HIVEP3: variants seen among roughly 807,000 people sequenced by gnomAD.
HIVEP3 encodes the protein transcription factor HIVEP3.
Under a neutral mutation model 152.8 loss-of-function variants are expected in HIVEP3, and 49 were observed. That is an observed-to-expected ratio of 0.32 (90% confidence interval 0.26 to 0.41). The LOEUF is 0.41. HIVEP3 is among the 10% of genes least tolerant of loss of function. HIVEP3 has a pLI of 1.00. For missense variants in HIVEP3, 2,790 were observed against 3,103.3 expected, an observed-to-expected ratio of 0.90 and a Z score of 2.40; for synonymous variants, 1,269 against 1,289.0, an observed-to-expected ratio of 0.98 and a Z score of 0.33.
intron 5 of HIVEP3, among the ~76,000 whole-genome samples, chr1:41,545,653 C>CCA (rs1569853933): frequency 8.3e-6 from 1 of 120,396 alleles, no homozygotes; most frequent in East Asian, 7.3e-4. Context: ...ATCACCACCA[C>CCA]TACCACCCCT....
chr1:41,907,763 G>A lies in HIVEP3; in HGVS notation c.-801+10650C>T, dbSNP rs147151462. 1.1e-3 allele frequency among the ~76,000 whole-genome samples: 173 copies of A among 152,268 alleles called. 1 individual carries two copies. Among genetic ancestry groups the A allele is most frequent in the African/African-American group, 3.8e-3 (156 of 41,570 alleles). ...GTAAACCACATCAGAGTTATCAGTC[G>A]GAAACCTCTTGGACAAAGAGAGTTT... is the stretch of plus-strand genomic sequence containing the variant. On this transcript the variant is annotated intron_variant, in intron 1 of 8. Transcript: ENST00000372583.
intron 1 of HIVEP3, among the ~76,000 whole-genome samples, chr1:42,020,906 C>T (rs1418984665): frequency 3.9e-5 from 6 of 152,056 alleles, no homozygotes; most frequent in Non-Finnish European, 8.8e-5. Flanking sequence ...AGTGTAAAGG[C>T]CCTAAGGTAG....
At chr1:41,915,936 G>T (rs1326232155) in intron 1 of HIVEP3, among the ~76,000 whole-genome samples, 2 of 152,190 alleles carry the variant, frequency 1.3e-5, no homozygotes, top group African/African-American at 4.8e-5. Context: ...AAACAGGATG[G>T]AGAACAGCAT....
chr1:41,527,387 C>T (rs1268208471), intron 5 of HIVEP3, among the ~76,000 whole-genome samples: 1 of 131,716 alleles, frequency 7.6e-6, no homozygotes, highest in Non-Finnish European at 1.7e-5. Flanking sequence ...CACACTCGCA[C>T]TCACACTCCA....
At chr1:41,726,687 A>G (rs964126316) in intron 1 of HIVEP3, among the ~76,000 whole-genome samples, 1 of 152,208 alleles carries the variant, frequency 6.6e-6, no homozygotes, top group Admixed American at 6.5e-5. Flanking sequence ...CAATACTGAG[A>G]CATCTAGAAC....
intron 1 of HIVEP3, among the ~76,000 whole-genome samples, chr1:41,968,506 C>T (rs1224626864): frequency 6.6e-6 from 1 of 152,168 alleles, no homozygotes; most frequent in African/African-American, 2.4e-5. Context: ...TAAAATTCAA[C>T]ATCCCTTCAC....
At chr1:41,571,113 CT>C (rs1430936533) in intron 5 of HIVEP3, among the ~76,000 whole-genome samples, 1 of 152,084 alleles carries the variant, frequency 6.6e-6, no homozygotes, top group Non-Finnish European at 1.5e-5. Flanking sequence ...CACGCAGGGT[CT>C]GGCATGGACT....
chr1:41,603,938 A>G (rs1050441070), intron 3 of HIVEP3, among the ~76,000 whole-genome samples: 2 of 152,236 alleles, frequency 1.3e-5, no homozygotes, highest in African/African-American at 4.8e-5. Flanking sequence ...AGCATATAAA[A>G]CAATGCTCAA....
At chr1:41,622,492 G>A (rs750169050) in intron 3 of HIVEP3, among the ~76,000 whole-genome samples, 1 of 152,226 alleles carries the variant, frequency 6.6e-6, no homozygotes, top group Non-Finnish European at 1.5e-5. Context: ...GGCAAATCCA[G>A]CCGGCTGCCT....
chr1:41,913,520 C>T (rs1644827395), intron 1 of HIVEP3, among the ~76,000 whole-genome samples: 1 of 152,178 alleles, frequency 6.6e-6, no homozygotes, highest in South Asian at 2.1e-4. Context: ...CCTCTGTCTC[C>T]TGAGTAGTTA....
chr1:41,883,298 T>C (rs1644292079), intron 1 of HIVEP3, among the ~76,000 whole-genome samples: 3 of 152,098 alleles, frequency 2.0e-5, no homozygotes, highest in Admixed American at 1.3e-4. Context: ...AAAGTGTGCC[T>C]TGCAGTGAGA....
chr1:41,702,851 A>G (rs1197111820), intron 1 of HIVEP3, among the ~76,000 whole-genome samples: 1 of 152,172 alleles, frequency 6.6e-6, no homozygotes, highest in Non-Finnish European at 1.5e-5. Flanking sequence ...CCTTGTCAGG[A>G]CCCTGAAAAA....
chr1:41,965,091 C>T (rs1645190361), intron 1 of HIVEP3, among the ~76,000 whole-genome samples: 1 of 152,196 alleles, frequency 6.6e-6, no homozygotes, highest in Non-Finnish European at 1.5e-5. Context: ...TGTTCTGCAG[C>T]CTCCACTGGT....
chr1:41,591,711 T>G (rs1228032287), intron 3 of HIVEP3, among the ~76,000 whole-genome samples: 1 of 151,990 alleles, frequency 6.6e-6, no homozygotes, highest in African/African-American at 2.4e-5. Context: ...GACCATTCAG[T>G]GAGGACCATG....
Position 41,579,722 on chromosome 1 carries a change from C to T in HIVEP3, c.5061+15G>A. On this transcript the variant is annotated intron_variant, in intron 4 of 8. Coordinates refer to ENST00000372583, the MANE Select transcript of HIVEP3 (RefSeq NM_024503.5). ...TGCAAATCAGTGATGAGAAGAAAAA[C>T]AAGGCTGAACTTACCTCTGTCATGC... is the stretch of plus-strand genomic sequence containing the variant. 6.5e-7 allele frequency: 1 copy of T among 1,531,960 alleles called. No individual in the cohort carries two copies. Among genetic ancestry groups the T allele is most frequent in the South Asian group, 1.3e-5 (1 of 78,382 alleles). 94.9% of individuals were successfully genotyped at this position (1,531,960 alleles called of 1,614,324 possible).
intron 1 of HIVEP3, among the ~76,000 whole-genome samples, chr1:42,006,815 G>A (rs1435364028): frequency 2.0e-5 from 3 of 152,220 alleles, no homozygotes; most frequent in Non-Finnish European, 2.9e-5. Context: ...ATCCCTGAAT[G>A]GGTTTCTCAG....
chr1:41,828,379 G>C (rs1642863647), intron 1 of HIVEP3, among the ~76,000 whole-genome samples: 1 of 152,186 alleles, frequency 6.6e-6, no homozygotes, highest in Non-Finnish European at 1.5e-5. Flanking sequence ...TCCTTATTTA[G>C]AACTCCTAAC....
Position 41,511,171 on chromosome 1 carries a change from G to A in HIVEP3, c.6501C>T (p.His2167=), listed in dbSNP as rs751184188. ...PFSALHDFHG[H]ILARTEENIF... ...TGTTCTCCTCTGTCCGGGCCAGGAT[G>A]TGGCCGTGGAAGTCATGGAGGGCGG... Residue 2167 remains histidine (H), a synonymous_variant, in exon 9 of 9, where the codon CAC becomes CAT. Transcript: ENST00000372583. The surrounding 1 kb of genome is among the most constrained non-coding windows in gnomAD (Gnocchi z 4.9). 4 of 1,614,196 alleles carry A rather than the reference G, an allele frequency of 2.5e-6. No homozygotes were observed. The South Asian group carries it at 3.3e-5, about 13-fold the overall frequency.
intron 1 of HIVEP3, among the ~76,000 whole-genome samples, chr1:41,932,296 TG>T (rs539944770): frequency 2.0e-5 from 3 of 151,894 alleles, no homozygotes; most frequent in Admixed American, 6.6e-5. Context: ...TTTTTTGTTT[TG>T]TTTTTTTGTT....
Sources: gnomAD v4.1 joint callset for allele counts (sites outside exome capture counted in the v4.1 genomes callset) on GRCh38, gnomAD v4.1.1 for gene constraint, Gnocchi (gnomAD v3.1) non-coding constraint, MANE v1.5 for transcripts, NCBI Gene and HGNC (gene_info 2026-07-23, HGNC 2026-07-21) for gene names.